Variants in MAP4K4 observed in about 807,000 individuals in gnomAD.
MAP4K4 encodes the protein HPK/GCK-like kinase HGK.
MAP4K4 carries 38 observed loss-of-function variants against 189.6 expected under a neutral mutation model. The ratio of observed to expected loss-of-function variants is 0.20; its 90% confidence interval spans 0.15 to 0.26. The LOEUF (loss-of-function observed/expected upper bound fraction) is 0.26, where lower values mean the gene tolerates loss of function less well. Ranked by LOEUF, MAP4K4 falls within the 10% of genes least tolerant of loss-of-function variation. The probability of loss-of-function intolerance (pLI) is 1.00; values close to 1 mark genes in which losing one functional copy is unlikely to be tolerated. For missense variants in MAP4K4, 1,054 were observed against 1,726.9 expected, an observed-to-expected ratio of 0.61 and a Z score of 6.91; for synonymous variants, 610 against 624.3, an observed-to-expected ratio of 0.98 and a Z score of 0.34.
At chr2:101,851,696 A>G (rs2097288460) in intron 12 of MAP4K4, among the ~76,000 whole-genome samples, 1 of 140,326 alleles carries the variant, frequency 7.1e-6, no homozygotes, top group South Asian at 2.4e-4. Flanking sequence ...TTAGAATATA[A>G]TGTGGAAGAG....
At position 101,703,775 on chromosome 2, in the gene MAP4K4, A is replaced by G. The variant is rs1312971275; in HGVS notation, c.123+5237A>G. On this transcript the variant is annotated intron_variant, in intron 2 of 32. Coordinates refer to ENST00000324219, the Ensembl canonical transcript of MAP4K4. ...ACACCTGTAATCCCAGCATTTTGGG[A>G]GGCCGAGGCGGGTGGATAACAAAGT... Among the ~76,000 whole-genome samples, 4 of 151,990 alleles carry G rather than the reference A, an allele frequency of 2.6e-5. No individual in the cohort carries two copies. The East Asian group carries it at 7.7e-4, about 29-fold the overall frequency.
intron 2 of MAP4K4, among the ~76,000 whole-genome samples, chr2:101,729,538 T>G (rs2057460376): frequency 6.6e-6 from 1 of 152,238 alleles, no homozygotes; most frequent in Admixed American, 6.5e-5. Flanking sequence ...GCTAGGTTCC[T>G]TTTAGCAAAA....
intron 2 of MAP4K4, among the ~76,000 whole-genome samples, chr2:101,729,304 C>CTCTA (rs879700578): frequency 1.2e-3 from 190 of 152,152 alleles, no homozygotes; most frequent in African/African-American, 4.5e-3. Context: ...GACAGTGCTC[C>CTCTA]GTAGTACAAT....
chr2:101,829,647 C>T (rs1318442919), intron 6 of MAP4K4, 53 bp downstream of exon 6: 8 of 1,227,096 alleles, frequency 6.5e-6, no homozygotes, highest in South Asian at 1.3e-5. Flanking sequence ...CACAAGCCAG[C>T]TGCACTCCCA....
In MAP4K4 at chr2:101,831,867, T is replaced by C; in HGVS notation, c.639+16T>C. 6.2e-7 allele frequency: 1 copy of C among 1,611,640 alleles called. No individual in the cohort carries two copies. ...TGATTACAGAGTAAGAGGCACCTGC[T>C]CCGTAGGCCTTTGCAGGGCCACTGG... is the stretch of plus-strand genomic sequence containing the variant. On this transcript the variant is annotated intron_variant, in intron 7 of 32. Transcript: ENST00000324219.
At chr2:101,881,638 A>G (rs77281244) in intron 27 of MAP4K4, among the ~76,000 whole-genome samples, 3 of 152,128 alleles carry the variant, frequency 2.0e-5, no homozygotes, top group Non-Finnish European at 2.9e-5. Context: ...TCTTGCCATT[A>G]TGTATGACGT....
intron 11 of MAP4K4, among the ~76,000 whole-genome samples, chr2:101,843,855 A>T (rs935631522): frequency 2.6e-5 from 4 of 152,234 alleles, no homozygotes; most frequent in African/African-American, 9.6e-5. Context: ...CGAATCCTAA[A>T]TAGAAATGTC....
chr2:101,839,801 C>T lies in MAP4K4; in HGVS notation c.774-18C>T. The T allele has an allele frequency of 1.3e-6, 2 of 1,546,782 alleles. No homozygotes were observed. Among genetic ancestry groups the T allele is most frequent in the Non-Finnish European group, 1.7e-6 (2 of 1,151,382 alleles). ...CTCTTTGTGGTGGAAATTTGATGAT[C>T]TTTTTCACTTCTTACAGGTCGAAGA... On this transcript the variant is annotated intron_variant, in intron 9 of 32. Transcript: ENST00000324219.
intron 2 of MAP4K4, among the ~76,000 whole-genome samples, chr2:101,775,676 C>G (rs2083702647): frequency 6.6e-6 from 1 of 152,108 alleles, no homozygotes; most frequent in South Asian, 2.1e-4. Context: ...AAAAATTCTT[C>G]AAATTCTCGA....
intron 32 of MAP4K4, among the ~76,000 whole-genome samples, chr2:101,890,232 A>G (rs2098545774): frequency 6.6e-6 from 1 of 152,170 alleles, no homozygotes; most frequent in African/African-American, 2.4e-5. Flanking sequence ...CGTGATGCTC[A>G]TTGTGTTTTT....
At chr2:101,860,052 G>A in intron 15 of MAP4K4, 188 bp downstream of exon 15, 4 of 633,384 alleles carry the variant, frequency 6.3e-6, no homozygotes, top group Non-Finnish European at 8.2e-6. Context: ...TATTCAGTCA[G>A]TGCTTTTTCC....
intron 7 of MAP4K4, among the ~76,000 whole-genome samples, 187 bp downstream of exon 7, chr2:101,832,038 A>C (rs2096608171): frequency 6.6e-6 from 1 of 152,226 alleles, no homozygotes; most frequent in African/African-American, 2.4e-5. Flanking sequence ...GTCCATTTGC[A>C]TCACATGACT....
At chr2:101,855,994 G>A (rs781690308) in exon 13 of MAP4K4, 2 of 1,549,766 alleles carry the variant, frequency 1.3e-6, no homozygotes, top group South Asian at 2.4e-5. Flanking sequence ...GGAGAGAGCG[G>A]GAAGCTAGAA....
At chr2:101,824,222 A>T (rs1055422870) in intron 4 of MAP4K4, among the ~76,000 whole-genome samples, 169 bp downstream of exon 4, 2 of 152,166 alleles carry the variant, frequency 1.3e-5, no homozygotes, top group African/African-American at 4.8e-5. Context: ...TGGGTTGACT[A>T]TATGCTGGTT....
intron 2 of MAP4K4, among the ~76,000 whole-genome samples, chr2:101,721,108 CTTTTACAATTGAG>C (rs1193870617): frequency 6.6e-6 from 1 of 152,134 alleles, no homozygotes; most frequent in Non-Finnish European, 1.5e-5. Flanking sequence ...TGCAAATAAG[CTTTTACAATTGAG>C]TTTCCACTAT....
At chr2:101,823,265 T>C (rs1465638385) in intron 3 of MAP4K4, among the ~76,000 whole-genome samples, 2 of 152,348 alleles carry the variant, frequency 1.3e-5, no homozygotes, top group East Asian at 3.9e-4. Flanking sequence ...GCTCATCTTA[T>C]TTCAATAAAC....
chr2:101,852,964 A>G (rs1177829171), intron 12 of MAP4K4, among the ~76,000 whole-genome samples: 3 of 152,226 alleles, frequency 2.0e-5, no homozygotes, highest in African/African-American at 7.2e-5. Context: ...ATGGTGGCAG[A>G]CACACTTATT....
Position 101,780,596 on chromosome 2 carries a change from C to T in MAP4K4, c.124-10124C>T, listed in dbSNP as rs543574706. The stretch of plus-strand genomic sequence containing the variant: ...GATGTCTTCTGATGTCGTATGAAAT[C>T]ATAGACTCTTGGGTTCCAGTGCTAC... On this transcript the variant is annotated intron_variant, in intron 2 of 32. Transcript: ENST00000324219. 7.2e-5 allele frequency among the ~76,000 whole-genome samples: 11 copies of T among 152,340 alleles called. 1 individual carries two copies. The Middle Eastern group carries it at 0.014, about 188-fold the overall frequency.
intron 3 of MAP4K4, among the ~76,000 whole-genome samples, chr2:101,806,403 T>A (rs1369704204): frequency 7.0e-6 from 1 of 142,262 alleles, no homozygotes; most frequent in Non-Finnish European, 1.5e-5. Context: ...TGAGACGGAA[T>A]CTCGCTCTGT....
Sources: gnomAD v4.1 joint callset for allele counts (sites outside exome capture counted in the v4.1 genomes callset) on GRCh38, gnomAD v4.1.1 for gene constraint, MANE v1.5 for transcripts, NCBI Gene and HGNC (gene_info 2026-07-23, HGNC 2026-07-21) for gene names.